SEMA6A: variants seen among roughly 807,000 people sequenced by gnomAD.
The protein encoded by SEMA6A is semaphorin 6A.
A neutral mutation model predicts 96.8 loss-of-function variants in SEMA6A; 25 were observed. That is an observed-to-expected ratio of 0.26 (90% CI 0.19 to 0.36). SEMA6A has a LOEUF of 0.36. Among genes scored for constraint, SEMA6A ranks in the 10% least tolerant of loss-of-function variants. SEMA6A has a pLI of 1.00. For missense variants in SEMA6A, 1,363 were observed against 1,323.1 expected (o/e 1.03, Z -0.47); for synonymous variants, 612 against 518.0 (o/e 1.18, Z -2.46).
chr5:116,481,742 G>A (rs1009255302), intron 11 of SEMA6A, among the ~76,000 whole-genome samples: 1 of 152,104 alleles, frequency 6.6e-6, no homozygotes, highest in Non-Finnish European at 1.5e-5. Flanking sequence ...GCTTAGCGGG[G>A]ACTTCCCTCC....
chr5:116,462,167 T>A (rs1755447675), intron 18 of SEMA6A, among the ~76,000 whole-genome samples: 1 of 152,156 alleles, frequency 6.6e-6, no homozygotes, highest in East Asian at 1.9e-4. Flanking sequence ...ATTTTAAGCA[T>A]GGGAGAGTGT....
chr5:116,446,886 G>C lies in SEMA6A; in HGVS notation c.2820C>G (p.Asn940Lys). Residue 940 changes from asparagine (N) to lysine (K), a missense_variant, in exon 19 of 19, where the codon AAC (asparagine) becomes AAG (lysine). By Grantham distance (94) the Asn-to-Lys change is moderately conservative. Coordinates refer to ENST00000343348, the MANE Select transcript of SEMA6A (RefSeq NM_020796.5). Reference protein sequence around the residue: ...QATTLKRNNTNSSNSSHLSRN... With the variant: ...QATTLKRNNTKSSNSSHLSRN... ...TGGAGAGGTGAGAGGAATTGGAGGA[G>C]TTAGTGTTGTTTCTTTTGAGAGTGG... 2 of 1,614,004 alleles carry C rather than the reference G, an allele frequency of 1.2e-6. No individual in the cohort carries two copies. Among genetic ancestry groups the C allele is most frequent in the Non-Finnish European group, 1.7e-6 (2 of 1,179,890 alleles).
intron 17 of SEMA6A, among the ~76,000 whole-genome samples, chr5:116,471,861 T>C (rs1756165765): frequency 6.6e-6 from 1 of 152,248 alleles, no homozygotes; most frequent in Admixed American, 6.5e-5. Context: ...ACTATTTCTT[T>C]GGATCATAAA....
intron 18 of SEMA6A, among the ~76,000 whole-genome samples, chr5:116,459,280 T>C (rs1253675198): frequency 6.6e-6 from 1 of 152,178 alleles, no homozygotes; most frequent in Non-Finnish European, 1.5e-5. Flanking sequence ...AAAATTCCAT[T>C]TCCCAAACTT....
chr5:116,485,267 C>A (rs1756995560), intron 10 of SEMA6A, among the ~76,000 whole-genome samples: 1 of 152,074 alleles, frequency 6.6e-6, no homozygotes, highest in Admixed American at 6.5e-5. Context: ...GTAACCCACA[C>A]CCTTAAAAAA....
chr5:116,493,498 T>C (rs1351478396), intron 6 of SEMA6A, among the ~76,000 whole-genome samples: 1 of 152,178 alleles, frequency 6.6e-6, no homozygotes, highest in Non-Finnish European at 1.5e-5. Flanking sequence ...TAATTTTGAT[T>C]TTTAAAAAAT....
intron 17 of SEMA6A, among the ~76,000 whole-genome samples, chr5:116,470,788 C>G (rs1342176291): frequency 3.3e-5 from 5 of 152,148 alleles, no homozygotes; most frequent in Non-Finnish European, 2.9e-5. Flanking sequence ...CTACACTCAG[C>G]CACAGAGTGC....
chr5:116,563,173 T>G (rs978122584), intron 1 of SEMA6A, among the ~76,000 whole-genome samples: 1 of 152,222 alleles, frequency 6.6e-6, no homozygotes, highest in African/African-American at 2.4e-5. Flanking sequence ...CCAGCACTTC[T>G]GCAGTATGCT....
chr5:116,482,620 A>G, intron 10 of SEMA6A, 45 bp from the exon 11 acceptor site: 1 of 1,603,632 alleles, frequency 6.2e-7, no homozygotes, highest in Non-Finnish European at 8.5e-7. Flanking sequence ...TGCAATGGTT[A>G]TGCATGTGGT....
At chr5:116,479,055 G>A (rs978058015) in intron 12 of SEMA6A, among the ~76,000 whole-genome samples, 1 of 152,122 alleles carries the variant, frequency 6.6e-6, no homozygotes, top group African/African-American at 2.4e-5. Context: ...TGTCTCCTAT[G>A]AGGAGGGTAA....
At chr5:116,471,448 T>A (rs186307171) in intron 17 of SEMA6A, 1 of 152,214 alleles carries the variant, frequency 6.6e-6, no homozygotes, top group East Asian at 1.9e-4. Context: ...TCTTAATTTC[T>A]CAAAATCTGA....
At position 116,491,700 on chromosome 5, in the gene SEMA6A, AG is replaced by A. The variant is rs758731837; in HGVS notation, c.535+39del. 2.0e-6 allele frequency: 3 copies of A among 1,506,642 alleles called. No homozygotes were observed. The East Asian group carries it at 6.8e-5, about 34-fold the overall frequency. The allele number at this position is 1,506,642 out of a possible 1,614,324, so 93.3% of individuals were successfully genotyped here. On this transcript the variant is annotated intron_variant, in intron 7 of 18. Transcript: ENST00000343348. ...AGATTCACAGTGACAGGATGAAACAAGCAAAAGCAAGTGCAACGAGGAGAAA... is the reference window on the plus strand; with the variant it reads ...AGATTCACAGTGACAGGATGAAACAACAAAAGCAAGTGCAACGAGGAGAAA...
chr5:116,486,788 C>T lies in SEMA6A; in HGVS notation c.923G>A (p.Arg308His), dbSNP rs752845151. Residue 308 changes from arginine to histidine, a missense_variant, in exon 10 of 19, where the codon CGT becomes CAT. By Grantham distance (29) the Arg-to-His change is conservative. Around this residue, in one of 2 missense-constraint regions of SEMA6A, gnomAD observed 480 missense variants for 559.5 expected, o/e 0.86. Coordinates refer to ENST00000343348, the MANE Select transcript of SEMA6A (RefSeq NM_020796.5). ...AGAAAACGTTGCCAGGACAACATCA[C>T]GCCCGTTGATACGAATCACATCTGT... ...AVTDVIRING[R>H]DVVLATFSTP... 14 of 1,613,672 alleles carry T rather than the reference C, an allele frequency of 8.7e-6. No homozygotes were observed. The highest frequency in any genetic ancestry group is 1.6e-4 in the Middle Eastern group (1 of 6,078).
chr5:116,569,381 G>GGGGT (rs532481559), intron 1 of SEMA6A, among the ~76,000 whole-genome samples: 3 of 152,272 alleles, frequency 2.0e-5, no homozygotes, highest in African/African-American at 7.2e-5. Flanking sequence ...GCAAGCCCAA[G>GGGGT]GGGTGGAGGT....
At chr5:116,487,935 A>G (rs1757138606) in intron 9 of SEMA6A, among the ~76,000 whole-genome samples, 173 bp downstream of exon 9, 1 of 152,216 alleles carries the variant, frequency 6.6e-6, no homozygotes, top group African/African-American at 2.4e-5. Context: ...GAAATACTTA[A>G]GAAATTTCCT....
Position 116,557,156 on chromosome 5 carries a change from C to G in SEMA6A, c.-39+17029G>C, listed in dbSNP as rs113640904. On this transcript the variant is annotated intron_variant, in intron 1 of 18. Transcript: ENST00000343348. Reference sequence around the variant, plus strand: ...TGTGTTGAAGTTTGAGAACTCTTCTCTGAGGACTAATTATATCATAAATTT... The same window carrying G: ...TGTGTTGAAGTTTGAGAACTCTTCTGTGAGGACTAATTATATCATAAATTT... 4.0e-3 allele frequency among the ~76,000 whole-genome samples: 617 copies of G among 152,360 alleles called. 5 individuals carry two copies. Among genetic ancestry groups the G allele is most frequent in the African/African-American group, 0.014 (595 of 41,576 alleles).
chr5:116,485,070 G>A (rs1251143693), intron 10 of SEMA6A, among the ~76,000 whole-genome samples: 1 of 152,092 alleles, frequency 6.6e-6, no homozygotes, highest in South Asian at 2.1e-4. Flanking sequence ...AAAACAGAGG[G>A]ACTATAATTT....
chr5:116,444,999 G>A lies in SEMA6A; in HGVS notation c.*1614C>T, dbSNP rs1754096810. 6.5e-6 allele frequency: 1 copy of A among 152,720 alleles called. No individual in the cohort carries two copies. Among genetic ancestry groups the A allele is most frequent in the Non-Finnish European group, 1.5e-5 (1 of 68,070 alleles). 9.5% of individuals were successfully genotyped at this position (152,720 alleles called of 1,614,324 possible). On this transcript the variant is annotated 3_prime_UTR_variant, in exon 19 of 19. Coordinates refer to ENST00000343348, the MANE Select transcript of SEMA6A (RefSeq NM_020796.5). ...AAGCAGGGAGCTCTTGAGGATGAAA[G>A]GGGATTTGACACACCCACAACAACA... is the stretch of plus-strand genomic sequence containing the variant.
intron 7 of SEMA6A, among the ~76,000 whole-genome samples, chr5:116,489,615 C>T (rs1199153480): frequency 6.6e-6 from 1 of 152,180 alleles, no homozygotes; most frequent in Non-Finnish European, 1.5e-5. Context: ...GTATTTGCTT[C>T]CGCATCTCCA....
Sources: allele counts gnomAD v4.1 joint callset (sites outside exome capture counted in the v4.1 genomes callset), GRCh38; gene constraint gnomAD v4.1.1; regional missense constraint gnomAD v4.1.1; transcripts MANE v1.5; gene names NCBI Gene and HGNC (gene_info 2026-07-23, HGNC 2026-07-21).